Variants in PHF13 observed in about 807,000 individuals in gnomAD.
PHF13 encodes PHD finger protein 13, also known as PHD zinc finger protein PHF5.
In PHF13, 1 loss-of-function variant was observed where a neutral mutation model predicts 25.8. The observed-to-expected ratio is 0.04, with a 90% CI of 0.01 to 0.18. The LOEUF is 0.18. PHF13 is among the 10% of genes least tolerant of loss of function. PHF13 has a pLI of 1.00. For missense variants in PHF13, 306 were observed against 403.2 expected (o/e 0.76, Z 2.06); for synonymous variants, 195 against 162.4 (o/e 1.20, Z -1.53).
chr1:6,616,384 T>C (rs1033429202), intron 1 of PHF13, among the ~76,000 whole-genome samples: 2 of 152,142 alleles, frequency 1.3e-5, no homozygotes, highest in Non-Finnish European at 2.9e-5. Flanking sequence ...GCTGCAGCAG[T>C]TCATACTCAG....
At chr1:6,614,610 C>T (rs1641227191) in intron 1 of PHF13, 1 of 151,674 alleles carries the variant, frequency 6.6e-6, no homozygotes, top group Non-Finnish European at 1.5e-5. Flanking sequence ...CGCCCCCTGA[C>T]TCCGCGCGGG....
rs1641365105 is a variant in PHF13, at chr1:6,623,050, C to T, written c.*1413C>T. 1 of 152,276 alleles carries T rather than the reference C, an allele frequency of 6.6e-6. No individual in the cohort carries two copies. The highest frequency in any genetic ancestry group is 2.4e-5 in the African/African-American group (1 of 41,464). 9.4% of individuals were successfully genotyped at this position (152,276 alleles called of 1,614,324 possible). The stretch of plus-strand genomic sequence containing the variant: ...TAAGGCATGGAAAGGGAAGAATGCT[C>T]AAGCAAGTCATGTTTGTTTTCAGTG... On this transcript the variant is annotated 3_prime_UTR_variant, in exon 4 of 4. Transcript: ENST00000377648.
intron 3 of PHF13, among the ~76,000 whole-genome samples, chr1:6,620,862 AC>A (rs1287589279): frequency 1.8e-4 from 27 of 150,420 alleles, no homozygotes; most frequent in Non-Finnish European, 3.7e-4. Flanking sequence ...TACTAAAGAT[AC>A]AAAAAAAAAA....
At chr1:6,614,877 G>A (rs1490274081) in intron 1 of PHF13, among the ~76,000 whole-genome samples, 1 of 151,114 alleles carries the variant, frequency 6.6e-6, no homozygotes, top group Non-Finnish European at 1.5e-5. Flanking sequence ...CGTTGGGGTC[G>A]GGGGTGCGGG....
chr1:6,614,164 C>T (rs1367050255), intron 1 of PHF13, 59 bp downstream of exon 1: 6 of 1,548,628 alleles, frequency 3.9e-6, no homozygotes, highest in East Asian at 5.0e-5. Context: ...TCCTGCCGTC[C>T]TCAGGCAGCC....
Position 6,621,385 on chromosome 1 carries a change from C to G in PHF13, c.677-26C>G, listed in dbSNP as rs1432040367. 3 of 1,610,280 alleles carry G rather than the reference C, an allele frequency of 1.9e-6. No homozygotes were observed. In the South Asian group the frequency reaches 3.3e-5, roughly 18 times the overall value. ...GAGGAATGATGGGAATTTCTCTTCC[C>G]TCCTTGAGAGTATCTTTCCTTCCAG... On this transcript the variant is annotated intron_variant, in intron 3 of 3. Transcript: ENST00000377648. The surrounding 1 kb of genome is among the most constrained non-coding windows in gnomAD (Gnocchi z 4.8).
chr1:6,613,737 C>T lies in PHF13; in HGVS notation c.-330C>T, dbSNP rs909787661. On this transcript the variant is annotated 5_prime_UTR_variant, in exon 1 of 4. Coordinates refer to ENST00000377648, the MANE Select transcript of PHF13 (RefSeq NM_153812.3). The stretch of plus-strand genomic sequence containing the variant: ...CAGGCCTCCCGGCTCTCCCGCCCTC[C>T]CTCCCGAGACACGAGCCGAACTGGG... 1.4e-5 allele frequency: 3 copies of T among 218,930 alleles called. No individual in the cohort carries two copies. Among genetic ancestry groups the T allele is most frequent in the South Asian group, 9.6e-5 (2 of 20,770 alleles). The allele number at this position is 218,930 out of a possible 1,614,324, so 13.6% of individuals were successfully genotyped here. A position where few individuals can be genotyped will look rare whatever the true frequency, so the allele number is the denominator to read the frequency against.
At position 6,621,785 on chromosome 1, in the gene PHF13, A is replaced by G. The variant is rs1358281854; in HGVS notation, c.*148A>G. On this transcript the variant is annotated 3_prime_UTR_variant, in exon 4 of 4. Coordinates refer to ENST00000377648, the MANE Select transcript of PHF13 (RefSeq NM_153812.3). This position sits in a 1 kb window ranked among gnomAD's most constrained non-coding sequence, Gnocchi z 4.8. ...CCTAAGCAAAAGGACAGGCTGTCCA[A>G]GGTAGAAACTGTACATAGCCGGTGA... 4 of 779,172 alleles carry G rather than the reference A, an allele frequency of 5.1e-6. No individual in the cohort carries two copies. Among genetic ancestry groups the G allele is most frequent in the Non-Finnish European group, 4.2e-6 (2 of 480,454 alleles). The allele number at this position is 779,172 out of a possible 1,614,324, so 48.3% of individuals were successfully genotyped here. A position where few individuals can be genotyped will look rare whatever the true frequency, so the allele number is the denominator to read the frequency against.
intron 1 of PHF13, among the ~76,000 whole-genome samples, chr1:6,615,990 C>T (rs914818025): frequency 5.4e-5 from 8 of 148,982 alleles, no homozygotes; most frequent in Non-Finnish European, 8.9e-5. Context: ...ACTCCAGGGT[C>T]CAGGTCTCCG....
Position 6,622,086 on chromosome 1 carries a change from A to G in PHF13, c.*449A>G, listed in dbSNP as rs1570231437. 4.5e-6 allele frequency: 1 copy of G among 224,204 alleles called. No individual in the cohort carries two copies. The highest frequency in any genetic ancestry group is 9.9e-5 in the East Asian group (1 of 10,126). The allele number at this position is 224,204 out of a possible 1,614,324, so 13.9% of individuals were successfully genotyped here. ...CTTTTTCTTGAGTGTTAAGTCTTTT[A>G]CCAAAAGTGTCTGTACAGCAGCCAT... On this transcript the variant is annotated 3_prime_UTR_variant, in exon 4 of 4. Transcript: ENST00000377648.
At chr1:6,614,506 G>C (rs948679118) in intron 1 of PHF13, 2 of 206,370 alleles carry the variant, frequency 9.7e-6, no homozygotes, top group Non-Finnish European at 1.9e-5. Context: ...GGCTCCGGTT[G>C]CTCTCGAGGA....
At chr1:6,615,955 G>C (rs1641254668) in intron 1 of PHF13, among the ~76,000 whole-genome samples, 1 of 151,814 alleles carries the variant, frequency 6.6e-6, no homozygotes, top group African/African-American at 2.4e-5. Flanking sequence ...GGTGGCGCTA[G>C]CTTGGCAGGG....
chr1:6,619,299 G>A, intron 2 of PHF13, among the ~76,000 whole-genome samples: 1 of 151,982 alleles, frequency 6.6e-6, no homozygotes, highest in Non-Finnish European at 1.5e-5. Context: ...GGTTCAGCAG[G>A]GAGTTTCTCT....
rs1230820048 is a variant in PHF13 at position 6,616,777 on chromosome 1, G to A, written c.60G>A (p.Lys20=). 13 of 1,613,954 alleles carry A rather than the reference G, an allele frequency of 8.1e-6. No homozygotes were observed. Among genetic ancestry groups the A allele is most frequent in the Non-Finnish European group, 1.1e-5 (13 of 1,179,946 alleles). The change falls in exon 2 of 4, where the codon AAG becomes AAA. Residue 20 remains lysine, a synonymous_variant. Coordinates refer to ENST00000377648, the MANE Select transcript of PHF13 (RefSeq NM_153812.3). ...FHPEEYSPSC[K]RRRTVEDFNK... is the part of the protein sequence containing the mutation. ...AATAGGAATACTCCCCCAGTTGCAA[G>A]AGGCGCAGGACCGTGGAAGACTTCA...
intron 1 of PHF13, chr1:6,614,358 G>A: frequency 2.1e-6 from 1 of 471,486 alleles, no homozygotes; most frequent in Admixed American, 4.6e-5. Context: ...GGGCCGTTGC[G>A]CCTATTTCTC....
At chr1:6,614,870 T>G (rs1641234864) in intron 1 of PHF13, among the ~76,000 whole-genome samples, 1 of 150,356 alleles carries the variant, frequency 6.7e-6, no homozygotes, top group Non-Finnish European at 1.5e-5. Flanking sequence ...CGAGGCTCGT[T>G]GGGGTCGGGG....
At position 6,621,842 on chromosome 1, in the gene PHF13, G is replaced by T. The variant is rs1230947093; in HGVS notation, c.*205G>T. ...GCGACCTTTGCCAGCCAGAGCTGCT[G>T]CCAGAGCTGCGTTCCCTGCAGTGGA... On this transcript the variant is annotated 3_prime_UTR_variant, in exon 4 of 4. Transcript: ENST00000377648. The surrounding 1 kb of genome is among the most constrained non-coding windows in gnomAD (Gnocchi z 4.8). 5 of 613,488 alleles carry T rather than the reference G, an allele frequency of 8.2e-6. No homozygotes were observed. Among genetic ancestry groups the T allele is most frequent in the Non-Finnish European group, 1.4e-5 (5 of 349,058 alleles). 38.0% of individuals were successfully genotyped at this position (613,488 alleles called of 1,614,324 possible). A position where few individuals can be genotyped will look rare whatever the true frequency, so the allele number is the denominator to read the frequency against.
At position 6,614,039 on chromosome 1, in the gene PHF13, G is replaced by T; in HGVS notation, c.-28G>T. ...CCAGCATCCCAGCTCCTGCACTCTC[G>T]CAGCCGCCGCCGCCCCCCGCCCGGA... On this transcript the variant is annotated 5_prime_UTR_variant, in exon 1 of 4. Transcript: ENST00000377648. 1 of 1,566,908 alleles carries T rather than the reference G, an allele frequency of 6.4e-7. No individual in the cohort carries two copies. Among genetic ancestry groups the T allele is most frequent in the Non-Finnish European group, 8.6e-7 (1 of 1,157,552 alleles).
In PHF13 at chr1:6,622,289, T is replaced by C. The variant is rs572179620; in HGVS notation, c.*652T>C. 6.4e-6 allele frequency: 1 copy of C among 156,714 alleles called. No homozygotes were observed. Among genetic ancestry groups the C allele is most frequent in the African/African-American group, 2.4e-5 (1 of 41,592 alleles). 9.7% of individuals were successfully genotyped at this position (156,714 alleles called of 1,614,324 possible). On this transcript the variant is annotated 3_prime_UTR_variant, in exon 4 of 4. Coordinates refer to ENST00000377648, the MANE Select transcript of PHF13 (RefSeq NM_153812.3). ...AAAAGGGACAATGTGGCCACTTCTC[T>C]GTGGAAAGGGAGTTGGTTGGGGGGT...
Sources: gnomAD v4.1 joint callset for allele counts (sites outside exome capture counted in the v4.1 genomes callset) on GRCh38, gnomAD v4.1.1 for gene constraint, Gnocchi (gnomAD v3.1) non-coding constraint, MANE v1.5 for transcripts, NCBI Gene and HGNC (gene_info 2026-07-23, HGNC 2026-07-21) for gene names.